Variants in ZNF69 observed in about 807,000 individuals in gnomAD.
ZNF69 encodes ZNF3.
A neutral mutation model predicts 50.9 loss-of-function variants in ZNF69; 47 were observed. The ratio of observed to expected loss-of-function variants is 0.92; its 90% CI spans 0.73 to 1.18. The LOEUF (loss-of-function observed/expected upper bound fraction) is 1.18, where lower values mean the gene tolerates loss of function less well. Among genes scored for constraint, ZNF69 ranks in the 50% most tolerant of loss-of-function variants. The probability of loss-of-function intolerance (pLI) is 0.00; values close to 1 mark genes in which losing one functional copy is unlikely to be tolerated. For synonymous variants in ZNF69, 216 were observed against 223.1 expected (o/e 0.97, Z 0.29); for missense variants, 717 against 675.1 (o/e 1.06, Z -0.69).
At chr19:11,956,689 C>G in the ZNF69 span, 4 of 394,438 alleles carry the variant, frequency 1.0e-5, no homozygotes, top group African/African-American at 6.2e-5. Context: ...AACCCCATCT[C>G]TACTAAAAAT....
the ZNF69 span, among the ~76,000 whole-genome samples, chr19:11,937,109 T>C: frequency 8.5e-5 from 13 of 152,214 alleles, no homozygotes; most frequent in African/African-American, 3.1e-4. Context: ...GATTTTCTCA[T>C]TCACAGATCA....
the ZNF69 span, chr19:11,979,509 G>C: frequency 6.3e-7 from 1 of 1,599,574 alleles, no homozygotes; most frequent in Non-Finnish European, 8.5e-7. Flanking sequence ...TCATTTCAAA[G>C]ACATGAAAAA....
chr19:11,892,839 TTTTG>T (rs575818664), intron 1 of ZNF69, among the ~76,000 whole-genome samples: 7 of 152,168 alleles, frequency 4.6e-5, no homozygotes, highest in Admixed American at 2.0e-4. Flanking sequence ...ACTTTGTTGT[TTTTG>T]TTTGTTTGTT....
chr19:11,958,220 G>A, the ZNF69 span, among the ~76,000 whole-genome samples: 1 of 152,194 alleles, frequency 6.6e-6, no homozygotes, highest in African/African-American at 2.4e-5. Flanking sequence ...TAGTAAGTGG[G>A]TAAATATAAG....
the ZNF69 span, chr19:11,947,339 A>G: frequency 8.7e-6 from 14 of 1,612,538 alleles, no homozygotes; most frequent in East Asian, 2.2e-5. Context: ...CCGTCAGTGC[A>G]TTAGCAAACC....
chr19:11,892,318 C>T (rs552996511), intron 1 of ZNF69, among the ~76,000 whole-genome samples: 7 of 152,000 alleles, frequency 4.6e-5, no homozygotes, highest in Non-Finnish European at 7.4e-5. Context: ...TTTCCCCCAG[C>T]GCTTGTTTTC....
chr19:11,937,133 G>T, the ZNF69 span, among the ~76,000 whole-genome samples: 2 of 152,132 alleles, frequency 1.3e-5, no homozygotes, highest in Non-Finnish European at 2.9e-5. Context: ...TTTTTGTGTT[G>T]TGTGTGAAAC....
the ZNF69 span, among the ~76,000 whole-genome samples, chr19:11,927,406 G>A: frequency 5.4e-5 from 8 of 149,248 alleles, no homozygotes; most frequent in African/African-American, 1.0e-4. Flanking sequence ...CCAACACAGC[G>A]AGACCCTGTC....
intron 1 of ZNF69, among the ~76,000 whole-genome samples, chr19:11,896,733 T>C (rs1442414169): frequency 6.6e-6 from 1 of 152,204 alleles, no homozygotes; most frequent in Non-Finnish European, 1.5e-5. Context: ...CAAATATTCA[T>C]GCCGTAACAC....
chr19:11,928,943 A>T, the ZNF69 span, among the ~76,000 whole-genome samples: 4 of 146,536 alleles, frequency 2.7e-5, no homozygotes, highest in Admixed American at 6.7e-5. Context: ...AATATAAGTT[A>T]AAAAAAATAG....
At chr19:11,889,909 G>A (rs910043269) in intron 1 of ZNF69, among the ~76,000 whole-genome samples, 3 of 152,182 alleles carry the variant, frequency 2.0e-5, no homozygotes, top group Admixed American at 1.3e-4. Flanking sequence ...TCATGAATAA[G>A]TTCAAGGAAA....
At chr19:11,891,718 A>T (rs1977092704) in intron 1 of ZNF69, among the ~76,000 whole-genome samples, 1 of 152,226 alleles carries the variant, frequency 6.6e-6, no homozygotes, top group African/African-American at 2.4e-5. Flanking sequence ...GTATTGGGAC[A>T]TCAGGACATT....
chr19:11,924,655 TG>T, the ZNF69 span, among the ~76,000 whole-genome samples: 34 of 152,006 alleles, frequency 2.2e-4, no homozygotes, highest in African/African-American at 7.0e-4. Context: ...GAGCAAGGCT[TG>T]GCCACGCCTC....
the ZNF69 span, among the ~76,000 whole-genome samples, chr19:11,962,835 CA>C: frequency 1.3e-3 from 191 of 152,222 alleles, 3 homozygotes; most frequent in South Asian, 6.4e-3. Context: ...GAAGGTGCTG[CA>C]AGCTTGGTTT....
the ZNF69 span, among the ~76,000 whole-genome samples, chr19:11,962,078 G>C: frequency 6.6e-6 from 1 of 152,172 alleles, no homozygotes; most frequent in African/African-American, 2.4e-5. Context: ...GGCCACCCCA[G>C]TGCTGGGATT....
At chr19:11,895,117 CT>C (rs1977194343) in intron 1 of ZNF69, among the ~76,000 whole-genome samples, 1 of 152,206 alleles carries the variant, frequency 6.6e-6, no homozygotes, top group Non-Finnish European at 1.5e-5. Flanking sequence ...GGGCTTGTCC[CT>C]TGTAAAGAAT....
At chr19:11,956,006 AAC>A in the ZNF69 span, among the ~76,000 whole-genome samples, 2 of 152,180 alleles carry the variant, frequency 1.3e-5, no homozygotes, top group Non-Finnish European at 1.5e-5. Context: ...CCACTGGGGA[AAC>A]ACATCCTGAA....
the ZNF69 span, among the ~76,000 whole-genome samples, chr19:11,974,972 C>T: frequency 6.6e-6 from 1 of 152,192 alleles, no homozygotes; most frequent in African/African-American, 2.4e-5. Context: ...AGGAATTTTA[C>T]ATGTACAGTT....
chr19:11,927,538 C>T, the ZNF69 span, among the ~76,000 whole-genome samples: 2 of 152,102 alleles, frequency 1.3e-5, no homozygotes, highest in East Asian at 3.8e-4. Context: ...GAGGAACGTA[C>T]TGTCTTTAAG....
Sources: gnomAD v4.1 joint callset for allele counts (sites outside exome capture counted in the v4.1 genomes callset) on GRCh38, gnomAD v4.1.1 for gene constraint, MANE v1.5 for transcripts, NCBI Gene and HGNC (gene_info 2026-07-23, HGNC 2026-07-21) for gene names.